The following TCF4 variants were observed in gnomAD, a reference collection of about 807,000 sequenced individuals.
The protein encoded by TCF4 is SL3-3 enhancer factor 2.
Under a neutral mutation model 82.1 loss-of-function variants are expected in TCF4, and 3 were observed. That is an observed-to-expected ratio of 0.04 (90% CI 0.02 to 0.09). The LOEUF (loss-of-function observed/expected upper bound fraction) is 0.09, where lower values mean the gene tolerates loss of function less well. TCF4 is among the 10% of genes least tolerant of loss of function. The pLI, the probability that TCF4 is intolerant of heterozygous loss-of-function variation, is 1.00. For missense variants in TCF4, 518 were observed against 852.7 expected (o/e 0.61, Z 4.89); for synonymous variants, 276 against 309.6 (o/e 0.89, Z 1.14).
intron 6 of TCF4, among the ~76,000 whole-genome samples, chr18:55,372,692 G>A (rs1399422435): frequency 1.3e-5 from 2 of 152,020 alleles, no homozygotes; most frequent in East Asian, 3.9e-4. Context: ...ACAAAAATTA[G>A]CAAGATGGGG....
At chr18:55,365,423 G>A (rs907661183) in intron 6 of TCF4, among the ~76,000 whole-genome samples, 13 of 151,262 alleles carry the variant, frequency 8.6e-5, no homozygotes, top group Non-Finnish European at 1.5e-5. Flanking sequence ...CATTGCTGTC[G>A]AGTGAGAACA....
chr18:55,459,356 G>A (rs898571585), intron 5 of TCF4, among the ~76,000 whole-genome samples: 2 of 152,174 alleles, frequency 1.3e-5, no homozygotes, highest in Non-Finnish European at 2.9e-5. Context: ...TGTTTGTACT[G>A]CTTGGTGTAT....
In TCF4 at chr18:55,350,791, G is replaced by C. The variant is rs149087514; in HGVS notation, c.499+83C>G. 508 of 1,590,592 alleles carry C rather than the reference G, an allele frequency of 3.2e-4. 5 individuals carry two copies. In the East Asian group the frequency reaches 0.011, roughly 34 times the overall value. On this transcript the variant is annotated intron_variant, in intron 7 of 19. Coordinates refer to ENST00000354452, the MANE Select transcript of TCF4 (RefSeq NM_001083962.2). ...TTTTCTTGGGGTGGGAGGTAGGATG[G>C]GGGGGCGATATTTTAAAGAAAGAAA...
At chr18:55,576,101 T>C (rs1026697606) in intron 3 of TCF4, among the ~76,000 whole-genome samples, 1 of 152,168 alleles carries the variant, frequency 6.6e-6, no homozygotes, top group Non-Finnish European at 1.5e-5. Flanking sequence ...CCCTCTTGAA[T>C]TGTACTGGTG....
At chr18:55,375,279 A>G (rs2090447106) in intron 6 of TCF4, among the ~76,000 whole-genome samples, 1 of 152,032 alleles carries the variant, frequency 6.6e-6, no homozygotes, top group Non-Finnish European at 1.5e-5. Flanking sequence ...GAATTTTGAG[A>G]GGATGATTTA....
intron 8 of TCF4, among the ~76,000 whole-genome samples, chr18:55,339,752 T>TA (rs1329962561): frequency 6.6e-5 from 10 of 151,888 alleles, no homozygotes; most frequent in Non-Finnish European, 1.3e-4. Flanking sequence ...CCTTTATATA[T>TA]AAAAAAAAGT....
chr18:55,454,628 G>A (rs1036405634), intron 5 of TCF4, among the ~76,000 whole-genome samples: 1 of 152,120 alleles, frequency 6.6e-6, no homozygotes, highest in Non-Finnish European at 1.5e-5. Flanking sequence ...AGGCTTTAAA[G>A]AATTACATTT....
At chr18:55,401,213 CTG>C (rs1569377697) in intron 6 of TCF4, 5 of 1,203,126 alleles carry the variant, frequency 4.2e-6, no homozygotes, top group Non-Finnish European at 5.3e-6. Flanking sequence ...AATTCATACT[CTG>C]TACATTTTTC....
intron 3 of TCF4, among the ~76,000 whole-genome samples, chr18:55,523,432 A>C (rs761592659): frequency 9.9e-5 from 15 of 151,958 alleles, no homozygotes; most frequent in Non-Finnish European, 2.1e-4. Flanking sequence ...TTTTTTAAAA[A>C]TGCAAATACA....
rs1226776764 is a variant in TCF4 at position 55,586,889 on chromosome 18, T to TA, written c.72+155dup. The stretch of plus-strand genomic sequence containing the variant: ...TTCCATCACACCACAAAATTATAGT[T>TA]AAAAACTTGTCAAAAAGACCTTCAT... On this transcript the variant is annotated intron_variant, in intron 2 of 19. Transcript: ENST00000354452. 6 of 670,744 alleles carry TA rather than the reference T, an allele frequency of 8.9e-6. No individual in the cohort carries two copies. The East Asian group carries it at 1.7e-4, about 20-fold the overall frequency. The allele number at this position is 670,744 out of a possible 1,614,324, so 41.5% of individuals were successfully genotyped here.
intron 3 of TCF4, among the ~76,000 whole-genome samples, chr18:55,505,685 T>C (rs2096749091): frequency 6.7e-6 from 1 of 150,164 alleles, no homozygotes; most frequent in Admixed American, 6.6e-5. Context: ...GCGCCTGTAG[T>C]CCCAGCTACT....
At chr18:55,437,813 G>C (rs1265776835) in intron 5 of TCF4, among the ~76,000 whole-genome samples, 1 of 152,174 alleles carries the variant, frequency 6.6e-6, no homozygotes, top group African/African-American at 2.4e-5. Context: ...GGGTTCAGGA[G>C]TCCTGGGCAG....
chr18:55,258,430 G>A (rs1056509700), intron 13 of TCF4, among the ~76,000 whole-genome samples: 1 of 152,066 alleles, frequency 6.6e-6, no homozygotes, highest in Non-Finnish European at 1.5e-5. Context: ...AATTTGTGAT[G>A]TTTTCTAGAA....
At chr18:55,621,543 T>C (rs766913636) in intron 2 of TCF4, among the ~76,000 whole-genome samples, 1 of 26,872 alleles carries the variant, frequency 3.7e-5, no homozygotes, top group Non-Finnish European at 7.8e-5. Flanking sequence ...ATATATATTA[T>C]ATTATATATT....
intron 15 of TCF4, among the ~76,000 whole-genome samples, chr18:55,236,455 T>G (rs764224333): frequency 6.3e-5 from 7 of 111,512 alleles, no homozygotes; most frequent in Non-Finnish European, 1.4e-4. Flanking sequence ...AGTACAAACC[T>G]TTTTTTTTTT....
intron 8 of TCF4, among the ~76,000 whole-genome samples, chr18:55,299,531 T>G (rs1408721032): frequency 6.6e-6 from 1 of 151,548 alleles, no homozygotes. Flanking sequence ...CATTTACTCA[T>G]GAGATACCAC....
chr18:55,273,318 T>C (rs191552069), intron 10 of TCF4, among the ~76,000 whole-genome samples: 1 of 152,312 alleles, frequency 6.6e-6, no homozygotes, highest in East Asian at 1.9e-4. Context: ...ACAGATAATA[T>C]CAACTTGGCC....
chr18:55,498,622 T>C (rs995533778), intron 3 of TCF4, among the ~76,000 whole-genome samples: 7 of 152,170 alleles, frequency 4.6e-5, no homozygotes, highest in Admixed American at 2.6e-4. Context: ...TCTGAGTCTC[T>C]AGTGAAGAGA....
chr18:55,393,347 G>C (rs1038929495), intron 6 of TCF4, among the ~76,000 whole-genome samples: 1 of 152,206 alleles, frequency 6.6e-6, no homozygotes, highest in African/African-American at 2.4e-5. Flanking sequence ...CTGGGTGATA[G>C]AGTGAGATCT....
Sources: allele counts gnomAD v4.1 joint callset (sites outside exome capture counted in the v4.1 genomes callset), GRCh38; gene constraint gnomAD v4.1.1; transcripts MANE v1.5; gene names NCBI Gene and HGNC (gene_info 2026-07-23, HGNC 2026-07-21).